TTC23L: variants seen among roughly 807,000 people sequenced by gnomAD.
TTC23L encodes the protein tetratricopeptide repeat domain 23 like.
TTC23L carries 42 observed loss-of-function variants against 48.1 expected under a neutral mutation model. That is an observed-to-expected ratio of 0.87 (90% confidence interval 0.68 to 1.13). The LOEUF (loss-of-function observed/expected upper bound fraction) is 1.13. Among genes scored for constraint, TTC23L ranks in the 50% most tolerant of loss-of-function variants. TTC23L has a pLI of 0.00. For synonymous variants in TTC23L, 159 were observed against 157.2 expected, an observed-to-expected ratio of 1.01 and a Z score of -0.09; for missense variants, 391 against 421.0, an observed-to-expected ratio of 0.93 and a Z score of 0.62.
chr5:34,875,806 T>C (rs1438299730), intron 8 of TTC23L, among the ~76,000 whole-genome samples: 1 of 152,168 alleles, frequency 6.6e-6, no homozygotes, highest in Admixed American at 6.6e-5. Context: ...TGACATCTAT[T>C]GACTACTGTA....
chr5:34,839,193 G>C (rs1373303859), exon 1 of TTC23L: 1 of 152,784 alleles, frequency 6.5e-6, no homozygotes, highest in East Asian at 1.9e-4. Flanking sequence ...CTGGGCTGCG[G>C]AAGGTAACTG....
the TTC23L span, chr5:34,922,307 T>G: frequency 1.4e-6 from 2 of 1,474,056 alleles, no homozygotes; most frequent in South Asian, 2.4e-5. Flanking sequence ...TGTATTAAGA[T>G]TTTGGTTAAA....
chr5:34,857,369 G>C (rs1365166939), intron 4 of TTC23L, among the ~76,000 whole-genome samples: 1 of 152,124 alleles, frequency 6.6e-6, no homozygotes, highest in Non-Finnish European at 1.5e-5. Flanking sequence ...CAGGTACTGG[G>C]GCTCTGTTAC....
At chr5:34,843,605 C>T (rs908645776) in intron 2 of TTC23L, among the ~76,000 whole-genome samples, 2 of 152,214 alleles carry the variant, frequency 1.3e-5, no homozygotes, top group Non-Finnish European at 2.9e-5. Context: ...ATAGATTTAA[C>T]TTCTGCTCTA....
At chr5:34,923,500 A>C in the TTC23L span, 1 of 394,452 alleles carries the variant, frequency 2.5e-6, no homozygotes, top group East Asian at 4.7e-5. Flanking sequence ...CTGGTCTCAA[A>C]CTCCTGACCT....
chr5:34,900,271 G>A (rs186102275), downstream of TTC23L, among the ~76,000 whole-genome samples: 120 of 152,144 alleles, frequency 7.9e-4, no homozygotes, highest in African/African-American at 2.8e-3. Flanking sequence ...CACATATTTT[G>A]TATGTTATAT....
the TTC23L span, chr5:34,907,188 T>C: frequency 6.6e-6 from 1 of 152,246 alleles, no homozygotes; most frequent in Admixed American, 6.5e-5. Flanking sequence ...TCTCTAATGC[T>C]ATGTGACCTA....
intron 4 of TTC23L, among the ~76,000 whole-genome samples, chr5:34,857,644 GTAA>G (rs968025054): frequency 4.0e-5 from 6 of 151,882 alleles, no homozygotes; most frequent in African/African-American, 9.7e-5. Flanking sequence ...ATGGACCTTG[GTAA>G]TAATAATAAT....
intron 9 of TTC23L, among the ~76,000 whole-genome samples, chr5:34,890,535 A>G (rs1056066323): frequency 6.6e-6 from 1 of 152,126 alleles, no homozygotes; most frequent in Non-Finnish European, 1.5e-5. Context: ...AGATTTCAAA[A>G]ATGCCATTTC....
At chr5:34,913,635 A>AAAGTGAAATCT in the TTC23L span, 1 of 1,039,824 alleles carries the variant, frequency 9.6e-7, no homozygotes, top group Non-Finnish European at 1.4e-6. Flanking sequence ...CTAATAATAT[A>AAAGTGAAATCT]AGGTCCTAGA....
At position 34,863,182 on chromosome 5, in the gene TTC23L, C is replaced by T; in HGVS notation, c.536+128C>T. 5 of 1,078,028 alleles carry T rather than the reference C, an allele frequency of 4.6e-6. No homozygotes were observed. Among genetic ancestry groups the T allele is most frequent in the Non-Finnish European group, 6.7e-6 (5 of 740,878 alleles). The allele number at this position is 1,078,028 out of a possible 1,614,324, so 66.8% of individuals were successfully genotyped here. ...GTAGATCTGTTCCAACATCAAGGCC[C>T]TCCATGAGCCTCTCCTCTCCATCTA... On this transcript the variant is annotated intron_variant, in intron 5 of 10. Coordinates refer to ENST00000505624, the Ensembl canonical transcript of TTC23L. The surrounding 1 kb of genome is among the most constrained non-coding windows in gnomAD (Gnocchi z 4.1).
In TTC23L at chr5:34,867,076, G is replaced by A; in HGVS notation, c.840+7G>A. 1 of 1,607,084 alleles carries A rather than the reference G, an allele frequency of 6.2e-7. No homozygotes were observed. Among genetic ancestry groups the A allele is most frequent in the Non-Finnish European group, 8.5e-7 (1 of 1,176,844 alleles). ...CATCCAGTACTTGCAGCAGGTCAGT[G>A]GGTTGGCCAGAGCCCAGGCTGGGTT... is the stretch of plus-strand genomic sequence containing the variant. On this transcript the variant is annotated splice_region_variant and intron_variant, in intron 7 of 10. Transcript: ENST00000505624.
chr5:34,845,773 G>A, intron 3 of TTC23L, 100 bp downstream of exon 3: 2 of 1,200,136 alleles, frequency 1.7e-6, no homozygotes, highest in Non-Finnish European at 2.3e-6. Context: ...ATGAAATAGA[G>A]GAAGGTGTCA....
downstream of TTC23L, among the ~76,000 whole-genome samples, chr5:34,903,927 C>T (rs1301623296): frequency 1.3e-5 from 2 of 152,124 alleles, no homozygotes; most frequent in Non-Finnish European, 2.9e-5. Context: ...AAGCCCAGAT[C>T]AAGCTGTCTC....
the TTC23L span, chr5:34,914,405 G>C: frequency 2.6e-6 from 1 of 386,052 alleles, no homozygotes; most frequent in Non-Finnish European, 4.7e-6. Flanking sequence ...TAAACAATAA[G>C]AAGACTGTAG....
chr5:34,863,091 G>A lies in TTC23L; in HGVS notation c.536+37G>A. On this transcript the variant is annotated intron_variant, in intron 5 of 10. Transcript: ENST00000505624. The surrounding 1 kb of genome is among the most constrained non-coding windows in gnomAD (Gnocchi z 4.1). Reference sequence around the variant, plus strand: ...TTCCTAGCTGCGTTTAGTGTTCGGGGCCACAGGCCACACATGCCAGATGGG... The same window carrying A: ...TTCCTAGCTGCGTTTAGTGTTCGGGACCACAGGCCACACATGCCAGATGGG... 1 of 1,611,204 alleles carries A rather than the reference G, an allele frequency of 6.2e-7. No individual in the cohort carries two copies. The highest frequency in any genetic ancestry group is 1.1e-5 in the South Asian group (1 of 90,744).
intron 4 of TTC23L, among the ~76,000 whole-genome samples, chr5:34,858,755 G>T (rs945546607): frequency 5.3e-5 from 8 of 152,100 alleles, no homozygotes; most frequent in African/African-American, 1.7e-4. Context: ...TAGAGTTCAT[G>T]CACTCCACTT....
rs371151655 is a variant in TTC23L at position 34,864,574 on chromosome 5, G to A, written c.662+12G>A. The stretch of plus-strand genomic sequence containing the variant: ...CTTGCTTTGGGCAGGTAAGATCTGG[G>A]CTTGGAGAAGCTGAGGCTTTTATGA... On this transcript the variant is annotated intron_variant, in intron 6 of 10. Transcript: ENST00000505624. 1.9e-6 allele frequency: 3 copies of A among 1,606,412 alleles called. No homozygotes were observed. The African/African-American group carries it at 4.0e-5, about 22-fold the overall frequency.
chr5:34,914,967 GGGAT>G, the TTC23L span: 7 of 1,519,090 alleles, frequency 4.6e-6, no homozygotes, highest in Admixed American at 1.3e-4. Flanking sequence ...AACACCTGAA[GGGAT>G]TAGACAGTAA....
Sources: allele counts gnomAD v4.1 joint callset (sites outside exome capture counted in the v4.1 genomes callset), GRCh38; gene constraint gnomAD v4.1.1; non-coding constraint Gnocchi (gnomAD v3.1); transcripts MANE v1.5; gene names NCBI Gene and HGNC (gene_info 2026-07-23, HGNC 2026-07-21).